The following C1QTNF7 variants were observed in gnomAD, a reference collection of about 807,000 sequenced individuals.
C1QTNF7 encodes the protein C1q and TNF related 7, also known as complement C1q tumor necrosis factor-related protein 7.
In C1QTNF7, 15 loss-of-function variants were observed where a neutral mutation model predicts 19.6. The ratio of observed to expected loss-of-function variants is 0.76; its 90% CI spans 0.51 to 1.18. The LOEUF is 1.18. Ranked by LOEUF, C1QTNF7 falls within the 50% of genes most tolerant of loss-of-function variation. C1QTNF7 has a pLI of 0.00. For synonymous variants in C1QTNF7, 142 were observed against 137.5 expected, an observed-to-expected ratio of 1.03 and a Z score of -0.23; for missense variants, 324 against 359.7, an observed-to-expected ratio of 0.90 and a Z score of 0.80.
intron 1 of C1QTNF7, among the ~76,000 whole-genome samples, chr4:15,406,482 C>T (rs937362508): frequency 6.6e-6 from 1 of 152,114 alleles, no homozygotes; most frequent in African/African-American, 2.4e-5. Flanking sequence ...TAGGAAGACA[C>T]GCATACACAA....
intron 1 of C1QTNF7, among the ~76,000 whole-genome samples, chr4:15,419,479 G>A (rs1474311482): frequency 6.6e-6 from 1 of 152,104 alleles, no homozygotes; most frequent in Non-Finnish European, 1.5e-5. Flanking sequence ...AAAGCACACA[G>A]CAACAGTGTA....
intron 1 of C1QTNF7, among the ~76,000 whole-genome samples, chr4:15,374,957 G>A (rs186367322): frequency 1.4e-4 from 22 of 151,930 alleles, no homozygotes; most frequent in African/African-American, 4.6e-4. Flanking sequence ...TGCTGAACAA[G>A]AGAGGGAAAG....
chr4:15,434,627 AT>A (rs535486649), intron 1 of C1QTNF7, among the ~76,000 whole-genome samples: 213 of 152,280 alleles, frequency 1.4e-3, no homozygotes, highest in African/African-American at 4.8e-3. Context: ...ACTAAGGACC[AT>A]TTAGCCTAAA....
At chr4:15,436,372 A>G (rs1005777573) in intron 2 of C1QTNF7, among the ~76,000 whole-genome samples, 2 of 152,252 alleles carry the variant, frequency 1.3e-5, no homozygotes, top group Non-Finnish European at 2.9e-5. Context: ...GTGCAAGCGC[A>G]TGGATGGACA....
At chr4:15,380,937 G>A (rs7697446) in intron 1 of C1QTNF7, among the ~76,000 whole-genome samples, 73,074 of 151,522 alleles carry the variant, frequency 0.48, 19,196 homozygotes, top group African/African-American at 0.69. Context: ...TCTGTCTCAA[G>A]AAAAAGAAAG....
chr4:15,385,898 C>T (rs988209364), intron 1 of C1QTNF7, among the ~76,000 whole-genome samples: 2 of 152,204 alleles, frequency 1.3e-5, no homozygotes, highest in African/African-American at 4.8e-5. Context: ...CATTAGATTA[C>T]TCTGTTTGAA....
chr4:15,445,774 A>G lies in C1QTNF7; in HGVS notation c.*2975A>G, dbSNP rs1712970752. ...GTCTCATTGCAATCATTCTTTGTAA[A>G]GGCTGACTTGTAATGAATATGTATT... On this transcript the variant is annotated 3_prime_UTR_variant, in exon 3 of 3. Transcript: ENST00000444304. 6.6e-6 allele frequency: 1 copy of G among 152,264 alleles called. No individual in the cohort carries two copies. The highest frequency in any genetic ancestry group is 6.5e-5 in the Admixed American group (1 of 15,288). The allele number at this position is 152,264 out of a possible 1,614,324, so 9.4% of individuals were successfully genotyped here.
At chr4:15,362,752 T>C (rs531372468) in intron 1 of C1QTNF7, among the ~76,000 whole-genome samples, 3 of 152,320 alleles carry the variant, frequency 2.0e-5, no homozygotes, top group East Asian at 1.9e-4. Context: ...ACACCACACG[T>C]TGGTGCCAGA....
intron 1 of C1QTNF7, among the ~76,000 whole-genome samples, chr4:15,410,423 C>T (rs555553176): frequency 1.3e-5 from 2 of 152,214 alleles, no homozygotes; most frequent in South Asian, 4.1e-4. Context: ...AATTTTGACT[C>T]TCAATGTTTC....
intron 1 of C1QTNF7, among the ~76,000 whole-genome samples, chr4:15,382,405 C>CA (rs11296645): frequency 5.1e-4 from 76 of 147,666 alleles, no homozygotes; most frequent in Middle Eastern, 3.5e-3. Context: ...GATGATAAAG[C>CA]AAAAAAAAAA....
At chr4:15,425,357 G>A (rs1046631547), upstream of C1QTNF7, among the ~76,000 whole-genome samples, 1 of 152,226 alleles carries the variant, frequency 6.6e-6, no homozygotes, top group Non-Finnish European at 1.5e-5. Flanking sequence ...GTGCCTGCTT[G>A]AGAATATCAG....
At position 15,445,535 on chromosome 4, in the gene C1QTNF7, G is replaced by A. The variant is rs1272749080; in HGVS notation, c.*2736G>A. ...TTTCCTTTAATTGGTTTGAAGCCTA[G>A]AGATGAATTTCGTTTTCAAATATCT... On this transcript the variant is annotated 3_prime_UTR_variant, in exon 3 of 3. Transcript: ENST00000444304. 6.6e-6 allele frequency: 1 copy of A among 152,166 alleles called. No individual in the cohort carries two copies. Among genetic ancestry groups the A allele is most frequent in the Non-Finnish European group, 1.5e-5 (1 of 68,028 alleles). The allele number at this position is 152,166 out of a possible 1,614,324, so 9.4% of individuals were successfully genotyped here. A position where few individuals can be genotyped will look rare whatever the true frequency, so the allele number is the denominator to read the frequency against.
chr4:15,422,154 C>T (rs1057392203), intron 1 of C1QTNF7, among the ~76,000 whole-genome samples: 4 of 146,928 alleles, frequency 2.7e-5, no homozygotes, highest in African/African-American at 9.9e-5. Context: ...ACTATTAATA[C>T]CAAAAGGGTA....
chr4:15,373,016 G>T (rs1717789029), intron 1 of C1QTNF7, among the ~76,000 whole-genome samples: 1 of 152,230 alleles, frequency 6.6e-6, no homozygotes, highest in Admixed American at 6.5e-5. Context: ...GGCAATGGTA[G>T]TTGCACATCC....
chr4:15,414,615 C>T (rs763281333), intron 1 of C1QTNF7, among the ~76,000 whole-genome samples: 16 of 151,820 alleles, frequency 1.1e-4, no homozygotes, highest in Admixed American at 3.3e-4. Flanking sequence ...CTAGAATATC[C>T]GTTTGTTTTG....
intron 1 of C1QTNF7, among the ~76,000 whole-genome samples, chr4:15,434,038 T>C (rs1712431398): frequency 1.3e-5 from 2 of 152,220 alleles, no homozygotes; most frequent in African/African-American, 4.8e-5. Context: ...CTGTATTGAA[T>C]GCACTGGGCT....
At chr4:15,440,380 T>C (rs1447000462) in intron 2 of C1QTNF7, among the ~76,000 whole-genome samples, 2 of 151,734 alleles carry the variant, frequency 1.3e-5, no homozygotes, top group African/African-American at 2.4e-5. Context: ...GCTTGGATTC[T>C]AGTCCTAGCA....
chr4:15,358,619 A>C (rs1253015067), intron 1 of C1QTNF7: 1 of 152,168 alleles, frequency 6.6e-6, no homozygotes, highest in East Asian at 1.9e-4. Flanking sequence ...GATCAATTAA[A>C]GTTTGCCTCT....
chr4:15,422,611 AT>A (rs34794130), intron 1 of C1QTNF7, among the ~76,000 whole-genome samples: 103 of 146,992 alleles, frequency 7.0e-4, no homozygotes, highest in African/African-American at 1.6e-3. Context: ...ACTTTCGATA[AT>A]TTTTTTTTTT....
Sources: gnomAD v4.1 joint callset for allele counts (sites outside exome capture counted in the v4.1 genomes callset) on GRCh38, gnomAD v4.1.1 for gene constraint, MANE v1.5 for transcripts, NCBI Gene and HGNC (gene_info 2026-07-23, HGNC 2026-07-21) for gene names.